The following YPEL1 variants were observed in gnomAD, a reference collection of about 807,000 sequenced individuals.
YPEL1 encodes protein yippee-like 1.
In YPEL1, 7 loss-of-function variants were observed where a neutral mutation model predicts 17.3. The observed-to-expected ratio is 0.40, with a 90% confidence interval of 0.23 to 0.76. YPEL1 has a LOEUF of 0.76. Among genes scored for constraint, YPEL1 ranks in the 30% least tolerant of loss-of-function variants. The pLI, the probability that YPEL1 is intolerant of heterozygous loss-of-function variation, is 0.35. For missense variants in YPEL1, 91 were observed against 155.5 expected (o/e 0.59, Z 2.21); for synonymous variants, 59 against 59.6 (o/e 0.99, Z 0.05).
chr22:21,708,838 G>T (rs2068138495), intron 2 of YPEL1, among the ~76,000 whole-genome samples: 1 of 151,212 alleles, frequency 6.6e-6, no homozygotes, highest in Non-Finnish European at 1.5e-5. Context: ...GGCTAATTTT[G>T]TATTTTTTTT....
In YPEL1 at chr22:21,703,240, G is replaced by T; in HGVS notation, c.270+130C>A. 1.3e-6 allele frequency: 1 copy of T among 772,112 alleles called. No homozygotes were observed. Among genetic ancestry groups the T allele is most frequent in the Non-Finnish European group, 2.2e-6 (1 of 461,404 alleles). 47.8% of individuals were successfully genotyped at this position (772,112 alleles called of 1,614,324 possible). ...CACTGGAGTCTGGACTTCCCACCTC[G>T]GCTGAGGAACTGGGGTTTCTGAAAG... On this transcript the variant is annotated intron_variant, in intron 4 of 4. Coordinates refer to ENST00000339468, the MANE Select transcript of YPEL1 (RefSeq NM_013313.5). The surrounding 1 kb of genome is among the most constrained non-coding windows in gnomAD (Gnocchi z 6.1).
At chr22:21,713,433 C>T (rs8139619) in intron 1 of YPEL1, among the ~76,000 whole-genome samples, 27,457 of 152,070 alleles carry the variant, frequency 0.18, 2,691 homozygotes, top group African/African-American at 0.23. Flanking sequence ...GTTATCCAGC[C>T]TTTAACAGGA....
At chr22:21,704,505 A>T (rs1235031537) in intron 2 of YPEL1, among the ~76,000 whole-genome samples, 1 of 151,974 alleles carries the variant, frequency 6.6e-6, no homozygotes, top group Non-Finnish European at 1.5e-5. Flanking sequence ...AAAAATACAA[A>T]AGTTAGCTGG....
Position 21,726,430 on chromosome 22 carries a change from C to T in YPEL1, c.-165+9185G>A, listed in dbSNP as rs780167375. On this transcript the variant is annotated intron_variant, in intron 1 of 4. Transcript: ENST00000339468. ...ATCCTGAGAAATAGGCATCCCTGCC[C>T]GCTAGCGGCCACCACAGTCCCACAG... 2.0e-4 allele frequency among the ~76,000 whole-genome samples: 30 copies of T among 152,208 alleles called. No individual in the cohort carries two copies. The South Asian group carries it at 2.1e-3, about 11-fold the overall frequency.
At chr22:21,727,109 A>G (rs1277691112) in intron 1 of YPEL1, among the ~76,000 whole-genome samples, 1 of 152,142 alleles carries the variant, frequency 6.6e-6, no homozygotes, top group African/African-American at 2.4e-5. Context: ...ATGTCCCCCA[A>G]GTCCCTGTCC....
intron 2 of YPEL1, among the ~76,000 whole-genome samples, chr22:21,704,889 G>A (rs1321143696): frequency 6.6e-6 from 1 of 152,136 alleles, no homozygotes; most frequent in East Asian, 1.9e-4. Context: ...AGGTGGGAAC[G>A]CCTGCTCCAG....
chr22:21,725,417 G>C (rs1205879718), intron 1 of YPEL1, among the ~76,000 whole-genome samples: 2 of 151,808 alleles, frequency 1.3e-5, no homozygotes, highest in African/African-American at 4.8e-5. Flanking sequence ...CTTTGGTAGA[G>C]ACAGGGTCTC....
chr22:21,701,337 G>A (rs2068064223), intron 4 of YPEL1, 119 bp from the exon 5 acceptor site: 4 of 709,818 alleles, frequency 5.6e-6, no homozygotes, highest in East Asian at 2.7e-5. Flanking sequence ...GATGTTCCCT[G>A]AGCGGTGCAC....
intron 1 of YPEL1, among the ~76,000 whole-genome samples, chr22:21,728,537 G>A (rs1014026676): frequency 6.6e-5 from 10 of 152,044 alleles, no homozygotes; most frequent in African/African-American, 1.2e-4. Flanking sequence ...TGGGGAAACC[G>A]AAGTCCAAAA....
At chr22:21,731,938 C>G (rs2068391093) in intron 1 of YPEL1, among the ~76,000 whole-genome samples, 1 of 152,200 alleles carries the variant, frequency 6.6e-6, no homozygotes. Flanking sequence ...GTCACTGTTA[C>G]AGGACGGCAG....
intron 1 of YPEL1, among the ~76,000 whole-genome samples, chr22:21,717,707 T>C (rs1350316269): frequency 1.3e-5 from 2 of 152,222 alleles, no homozygotes; most frequent in Non-Finnish European, 2.9e-5. Context: ...AAAAATGACC[T>C]GTTCAACAGA....
intron 1 of YPEL1, among the ~76,000 whole-genome samples, chr22:21,725,137 G>A (rs916955605): frequency 3.3e-5 from 5 of 151,594 alleles, no homozygotes; most frequent in Non-Finnish European, 5.9e-5. Flanking sequence ...TCGACCTCCT[G>A]ACCTCAAGTG....
At position 21,698,951 on chromosome 22, in the gene YPEL1, C is replaced by T. The variant is rs2068035240; in HGVS notation, c.*2178G>A. 6.6e-6 allele frequency: 1 copy of T among 152,442 alleles called. No individual in the cohort carries two copies. The highest frequency in any genetic ancestry group is 2.4e-5 in the African/African-American group (1 of 41,466). The allele number at this position is 152,442 out of a possible 1,614,324, so 9.4% of individuals were successfully genotyped here. On this transcript the variant is annotated 3_prime_UTR_variant, in exon 5 of 5. Coordinates refer to ENST00000339468, the MANE Select transcript of YPEL1 (RefSeq NM_013313.5). ...GACAGTACAAAGATTTCCTTCCTTT[C>T]CTAAGTGGAAGATGTGCTTTAAAGG...
At chr22:21,717,994 G>A (rs537849533) in intron 1 of YPEL1, among the ~76,000 whole-genome samples, 1 of 151,900 alleles carries the variant, frequency 6.6e-6, no homozygotes, top group African/African-American at 2.4e-5. Flanking sequence ...AGCCAAGTGT[G>A]GCGTCACGTG....
intron 2 of YPEL1, chr22:21,704,084 A>G: frequency 1.4e-6 from 1 of 723,652 alleles, no homozygotes; most frequent in Non-Finnish European, 2.6e-6. Context: ...TTCATTGTAG[A>G]CAGGAGTGGC....
intron 1 of YPEL1, among the ~76,000 whole-genome samples, chr22:21,711,661 G>T (rs1286859675): frequency 6.6e-6 from 1 of 152,050 alleles, no homozygotes; most frequent in Non-Finnish European, 1.5e-5. Flanking sequence ...ACAACAACTG[G>T]ATATCCACCT....
At chr22:21,711,826 G>A (rs745860462) in intron 1 of YPEL1, among the ~76,000 whole-genome samples, 4 of 152,156 alleles carry the variant, frequency 2.6e-5, no homozygotes, top group Admixed American at 6.6e-5. Context: ...TCTTGGATAC[G>A]ATACCAAAAG....
intron 2 of YPEL1, among the ~76,000 whole-genome samples, chr22:21,706,342 T>A (rs978989972): frequency 5.4e-5 from 8 of 148,088 alleles, no homozygotes; most frequent in African/African-American, 2.0e-4. Context: ...GGCAGGAGAA[T>A]TGCTTGAACC....
intron 1 of YPEL1, among the ~76,000 whole-genome samples, chr22:21,718,259 G>C (rs1027569497): frequency 3.3e-5 from 5 of 151,750 alleles, no homozygotes; most frequent in African/African-American, 1.2e-4. Context: ...GTCAGGAGAT[G>C]GAGACCATCC....
Sources: gnomAD v4.1 joint callset for allele counts (sites outside exome capture counted in the v4.1 genomes callset) on GRCh38, gnomAD v4.1.1 for gene constraint, Gnocchi (gnomAD v3.1) non-coding constraint, MANE v1.5 for transcripts, NCBI Gene and HGNC (gene_info 2026-07-23, HGNC 2026-07-21) for gene names.